TBC1D9: variants seen among roughly 807,000 people sequenced by gnomAD.
The protein encoded by TBC1D9 is TBC1 domain family member 9A.
A neutral mutation model predicts 132.0 loss-of-function variants in TBC1D9; 63 were observed. That is an observed-to-expected ratio of 0.48 (90% CI 0.39 to 0.59). The LOEUF is 0.59. TBC1D9 is among the 20% of genes least tolerant of loss of function. The pLI is 0.00. For missense variants in TBC1D9, 1,261 were observed against 1,592.7 expected, an observed-to-expected ratio of 0.79 and a Z score of 3.54; for synonymous variants, 610 against 609.9, an observed-to-expected ratio of 1.00 and a Z score of 0.00.
intron 1 of TBC1D9, among the ~76,000 whole-genome samples, chr4:140,742,167 A>G (rs996502179): frequency 1.3e-5 from 2 of 152,150 alleles, no homozygotes; most frequent in African/African-American, 4.8e-5. Context: ...TTTTTTCATC[A>G]ACAAAGCTAA....
intron 1 of TBC1D9, among the ~76,000 whole-genome samples, chr4:140,752,071 G>A (rs1738934716): frequency 6.6e-6 from 1 of 152,118 alleles, no homozygotes; most frequent in South Asian, 2.1e-4. Context: ...CCTGTTTATA[G>A]AGCAAATAGA....
chr4:140,641,854 AC>A (rs1234255163), intron 13 of TBC1D9: 17 of 330,564 alleles, frequency 5.1e-5, no homozygotes, highest in Admixed American at 4.4e-5. Flanking sequence ...GGGCCTCCTC[AC>A]CCCCCATCTC....
intron 1 of TBC1D9, among the ~76,000 whole-genome samples, chr4:140,735,569 C>T (rs977420505): frequency 6.6e-6 from 1 of 151,988 alleles, no homozygotes; most frequent in Non-Finnish European, 1.5e-5. Context: ...AAAAATTAGC[C>T]GGGCATCATG....
chr4:140,735,212 C>T (rs766692033), intron 1 of TBC1D9, among the ~76,000 whole-genome samples: 3 of 152,122 alleles, frequency 2.0e-5, no homozygotes, highest in Non-Finnish European at 2.9e-5. Context: ...AAAGAAACTG[C>T]CTACATTTAC....
intron 13 of TBC1D9, among the ~76,000 whole-genome samples, chr4:140,655,331 GAC>G (rs758067778): frequency 6.6e-6 from 1 of 151,974 alleles, no homozygotes; most frequent in African/African-American, 2.4e-5. Flanking sequence ...ATGAGTTAAG[GAC>G]ACACATTTCT....
chr4:140,723,338 G>GA (rs1219636010), intron 1 of TBC1D9, among the ~76,000 whole-genome samples: 1 of 152,104 alleles, frequency 6.6e-6, no homozygotes, highest in Non-Finnish European at 1.5e-5. Context: ...TTACTTCCCA[G>GA]ATTTTTTTTG....
intron 13 of TBC1D9, chr4:140,644,341 G>A (rs1174342851): frequency 1.1e-5 from 3 of 275,826 alleles, no homozygotes; most frequent in Admixed American, 9.9e-5. Flanking sequence ...CTGGTGGGGT[G>A]GGAGCTAGGG....
intron 1 of TBC1D9, among the ~76,000 whole-genome samples, chr4:140,727,834 A>G (rs1738524482): frequency 6.6e-6 from 1 of 152,106 alleles, no homozygotes; most frequent in African/African-American, 2.4e-5. Context: ...GGAATGGCAT[A>G]ACACCCATCA....
intron 13 of TBC1D9, chr4:140,643,124 C>T: frequency 5.6e-6 from 8 of 1,417,842 alleles, no homozygotes; most frequent in Non-Finnish European, 7.8e-6. Flanking sequence ...GAGCGGGTCC[C>T]ACCACGGGCC....
intron 1 of TBC1D9, among the ~76,000 whole-genome samples, chr4:140,738,810 T>C (rs1450619281): frequency 6.6e-5 from 10 of 152,186 alleles, no homozygotes; most frequent in Admixed American, 6.5e-4. Context: ...ACAGCTGGAC[T>C]TAGAAGCCTT....
intron 13 of TBC1D9, among the ~76,000 whole-genome samples, chr4:140,649,164 C>T (rs1490950865): frequency 6.6e-6 from 1 of 152,160 alleles, no homozygotes; most frequent in African/African-American, 2.4e-5. Flanking sequence ...TAAAAAACAC[C>T]CAGCAAAGCA....
At chr4:140,629,829 A>G (rs911279579) in intron 16 of TBC1D9, among the ~76,000 whole-genome samples, 4 of 152,188 alleles carry the variant, frequency 2.6e-5, no homozygotes, top group African/African-American at 9.7e-5. Context: ...TGTTTGCATG[A>G]TTAATAAAAC....
intron 13 of TBC1D9, among the ~76,000 whole-genome samples, chr4:140,648,339 G>C (rs1737134156): frequency 6.8e-6 from 1 of 147,796 alleles, no homozygotes. Context: ...TAATTTTTCA[G>C]TTTAATTTCT....
chr4:140,643,167 G>T, intron 13 of TBC1D9: 1 of 1,438,694 alleles, frequency 7.0e-7, no homozygotes. Context: ...GTGGCTGCCG[G>T]CTGCCAGCAG....
chr4:140,683,681 CT>C (rs199838517), intron 3 of TBC1D9, among the ~76,000 whole-genome samples: 1,669 of 152,234 alleles, frequency 0.011, 28 homozygotes, highest in African/African-American at 0.039. Context: ...AAAGACAAAA[CT>C]AAAACATTAA....
At chr4:140,641,049 AAAAG>A (rs1736980645) in intron 13 of TBC1D9, among the ~76,000 whole-genome samples, 1 of 151,134 alleles carries the variant, frequency 6.6e-6, no homozygotes, top group African/African-American at 2.4e-5. Flanking sequence ...TGCAGCAATA[AAAAG>A]AACAATATAT....
At chr4:140,642,232 C>T in intron 13 of TBC1D9, 3 of 725,444 alleles carry the variant, frequency 4.1e-6, no homozygotes, top group Non-Finnish European at 7.5e-6. Context: ...AGGAATTCTT[C>T]GTCTTCCTCT....
chr4:140,710,897 T>C (rs1159400090), intron 1 of TBC1D9, among the ~76,000 whole-genome samples: 1 of 152,178 alleles, frequency 6.6e-6, no homozygotes, highest in Non-Finnish European at 1.5e-5. Flanking sequence ...GCAGCAGCAG[T>C]AGAATATTAA....
intron 10 of TBC1D9, among the ~76,000 whole-genome samples, chr4:140,661,621 G>A (rs1211270323): frequency 1.3e-5 from 2 of 152,148 alleles, no homozygotes; most frequent in Non-Finnish European, 2.9e-5. Context: ...CAGACATCTG[G>A]CAATATCTAG....
Sources: gnomAD v4.1 joint callset for allele counts (sites outside exome capture counted in the v4.1 genomes callset) on GRCh38, gnomAD v4.1.1 for gene constraint, MANE v1.5 for transcripts, NCBI Gene and HGNC (gene_info 2026-07-23, HGNC 2026-07-21) for gene names.